DBX2: variants seen among roughly 807,000 people sequenced by gnomAD.
The protein encoded by DBX2 is developing brain homeobox 2.
Under a neutral mutation model 17.7 loss-of-function variants are expected in DBX2, and 16 were observed. The ratio of observed to expected loss-of-function variants is 0.90; its 90% CI spans 0.61 to 1.37. DBX2 has a LOEUF of 1.37. Ranked by LOEUF, DBX2 falls within the 40% of genes most tolerant of loss-of-function variation. The pLI is 0.00. For missense variants in DBX2, 538 were observed against 433.8 expected (o/e 1.24, Z -2.13); for synonymous variants, 255 against 183.8 (o/e 1.39, Z -3.13).
At position 45,051,079 on chromosome 12, in the gene DBX2, C is replaced by G. The variant is rs1946531905; in HGVS notation, c.-152G>C. Reference sequence around the variant, plus strand: ...GGCAGGGAGGAAAGGCCACCCGGGACGGCGGCGGACTTGGAACGATATTAT... The same window carrying G: ...GGCAGGGAGGAAAGGCCACCCGGGAGGGCGGCGGACTTGGAACGATATTAT... On this transcript the variant is annotated 5_prime_UTR_variant, in exon 1 of 4. Coordinates refer to ENST00000332700, the MANE Select transcript of DBX2 (RefSeq NM_001004329.3). 1 of 847,166 alleles carries G rather than the reference C, an allele frequency of 1.2e-6. No individual in the cohort carries two copies. Among genetic ancestry groups the G allele is most frequent in the Admixed American group, 4.4e-5 (1 of 22,746 alleles). 52.5% of individuals were successfully genotyped at this position (847,166 alleles called of 1,614,324 possible). A position where few individuals can be genotyped will look rare whatever the true frequency, so the allele number is the denominator to read the frequency against.
intron 1 of DBX2, among the ~76,000 whole-genome samples, chr12:45,041,636 A>G (rs1946471800): frequency 6.6e-6 from 1 of 152,150 alleles, no homozygotes; most frequent in Middle Eastern, 3.2e-3. Flanking sequence ...TTAAAGACAG[A>G]AAAACAAAGG....
chr12:45,040,851 T>C (rs1946467404), intron 1 of DBX2, among the ~76,000 whole-genome samples: 1 of 152,132 alleles, frequency 6.6e-6, no homozygotes, highest in Non-Finnish European at 1.5e-5. Context: ...GGAATCTAAA[T>C]GGTGTGAAAC....
At chr12:45,043,728 T>A (rs1946484180) in intron 1 of DBX2, among the ~76,000 whole-genome samples, 2 of 152,296 alleles carry the variant, frequency 1.3e-5, no homozygotes, top group South Asian at 4.1e-4. Flanking sequence ...GAGAAAATAA[T>A]AAATTGTTCT....
At chr12:45,037,890 G>A (rs1339754633) in intron 1 of DBX2, among the ~76,000 whole-genome samples, 2 of 151,952 alleles carry the variant, frequency 1.3e-5, no homozygotes, top group African/African-American at 4.8e-5. Context: ...GGTTTTTAAA[G>A]AATCAAGTGT....
At position 45,016,455 on chromosome 12, in the gene DBX2, T is replaced by C; in HGVS notation, c.851A>G (p.Gln284Arg). 6.2e-7 allele frequency: 1 copy of C among 1,613,980 alleles called. No individual in the cohort carries two copies. The highest frequency in any genetic ancestry group is 8.5e-7 in the Non-Finnish European group (1 of 1,179,940). The change falls in exon 4 of 4, where the codon CAA becomes CGA. Residue 284 changes from glutamine to arginine, a missense_variant. Physicochemically the swap from Gln to Arg is conservative, Grantham distance 43 (BLOSUM62 1). Coordinates refer to ENST00000332700, the MANE Select transcript of DBX2 (RefSeq NM_001004329.3). ...CCTCCATCTTGGACTTGAGTGCTGT[T>C]GGGGGACGTCCCATATTGAAGGACA... ...SPCPSIWDVP[Q>R]QHSSPRWREN...
intron 1 of DBX2, among the ~76,000 whole-genome samples, chr12:45,043,126 CT>C (rs1946480700): frequency 6.6e-6 from 1 of 152,148 alleles, no homozygotes; most frequent in Non-Finnish European, 1.5e-5. Flanking sequence ...GAAGACAGAC[CT>C]AGCAGGAAGT....
chr12:45,031,274 C>T (rs1479046351), intron 2 of DBX2, among the ~76,000 whole-genome samples: 1 of 140,470 alleles, frequency 7.1e-6, no homozygotes, highest in East Asian at 2.2e-4. Flanking sequence ...TTTTGCAGAT[C>T]TTAAGTTTGG....
chr12:45,026,020 T>C (rs1946379445), intron 2 of DBX2, among the ~76,000 whole-genome samples: 2 of 151,998 alleles, frequency 1.3e-5, no homozygotes, highest in African/African-American at 4.8e-5. Context: ...AAATGGGCTT[T>C]TTTTGGTCTT....
At chr12:45,036,223 T>A in intron 1 of DBX2, 109 bp from the exon 2 acceptor site, 1 of 966,602 alleles carries the variant, frequency 1.0e-6, no homozygotes, top group East Asian at 2.9e-5. Flanking sequence ...TTTTTTAATT[T>A]GTATTGAAAT....
chr12:45,015,571 T>C lies in DBX2; in HGVS notation c.*715A>G, dbSNP rs1440611578. 1 of 152,164 alleles carries C rather than the reference T, an allele frequency of 6.6e-6. No homozygotes were observed. The highest frequency in any genetic ancestry group is 2.4e-5 in the African/African-American group (1 of 41,434). The allele number at this position is 152,164 out of a possible 1,614,324, so 9.4% of individuals were successfully genotyped here. ...CAGAGAAGAGATCAAAAAATAATTA[T>C]TAGTTAAATGGGTCTCTCCCTCATG... On this transcript the variant is annotated 3_prime_UTR_variant, in exon 4 of 4. Coordinates refer to ENST00000332700, the MANE Select transcript of DBX2 (RefSeq NM_001004329.3).
In DBX2 at chr12:45,039,283, A is replaced by G. The variant is rs1283280000; in HGVS notation, c.404-3169T>C. ...ACAATGCACTGCATTGAAGGTATAT[A>G]TATATATATATATATATATATATAT... On this transcript the variant is annotated intron_variant, in intron 1 of 3. Transcript: ENST00000332700. Among the ~76,000 whole-genome samples the G allele has an allele frequency of 3.8e-4, 10 of 26,520 alleles. No homozygotes were observed. The East Asian group carries it at 6.9e-3, about 18-fold the overall frequency. 17.4% of individuals were successfully genotyped at this position (26,520 alleles called of 152,430 possible).
Position 45,015,437 on chromosome 12 carries a change from T to G in DBX2, c.*849A>C, listed in dbSNP as rs184297727. 7.2e-5 allele frequency: 11 copies of G among 152,304 alleles called. No individual in the cohort carries two copies. The East Asian group carries it at 2.1e-3, about 29-fold the overall frequency. 9.4% of individuals were successfully genotyped at this position (152,304 alleles called of 1,614,324 possible). On this transcript the variant is annotated 3_prime_UTR_variant, in exon 4 of 4. Transcript: ENST00000332700. ...ACATTTTGTTTGGCCAATACAGTAT[T>G]TGAAAAATTACTTGACTCAAATATC...
At chr12:45,033,448 C>A (rs528894412) in intron 2 of DBX2, among the ~76,000 whole-genome samples, 4 of 152,036 alleles carry the variant, frequency 2.6e-5, no homozygotes, top group Admixed American at 1.3e-4. Context: ...AAAAATCATT[C>A]TTATTATTAG....
rs772445960 is a variant in DBX2 at position 45,050,702 on chromosome 12, G to A, written c.226C>T (p.Leu76=). 3 of 1,524,446 alleles carry A rather than the reference G, an allele frequency of 2.0e-6. No homozygotes were observed. The South Asian group carries it at 3.7e-5, about 19-fold the overall frequency. 94.4% of individuals were successfully genotyped at this position (1,524,446 alleles called of 1,614,324 possible). The part of the protein sequence containing the change: ...LATAGAQLRP[L]PASPVPLKLC... ...TTTAGGGGAACTGGGCTAGCAGGCA[G>A]GGGCCGGAGCTGCGCGCCCGCGGTG... The change falls in exon 1 of 4, where the codon CTG becomes TTG. Residue 76 remains leucine, a synonymous_variant. Coordinates refer to ENST00000332700, the MANE Select transcript of DBX2 (RefSeq NM_001004329.3).
At chr12:45,031,792 C>T (rs12830481) in intron 2 of DBX2, among the ~76,000 whole-genome samples, 12,364 of 152,138 alleles carry the variant, frequency 0.081, 591 homozygotes, top group Admixed American at 0.13. Context: ...ATCCAACAAC[C>T]GTGTATCATT....
intron 2 of DBX2, among the ~76,000 whole-genome samples, chr12:45,030,813 AT>A (rs1471834021): frequency 1.3e-5 from 2 of 152,212 alleles, no homozygotes; most frequent in African/African-American, 4.8e-5. Context: ...TTAGTAAAAA[AT>A]ATCATTATTT....
intron 1 of DBX2, among the ~76,000 whole-genome samples, chr12:45,047,715 T>C (rs1399058789): frequency 6.6e-6 from 1 of 152,182 alleles, no homozygotes; most frequent in Admixed American, 6.5e-5. Context: ...ATGTAATTGG[T>C]GATCCAATTG....
chr12:45,046,618 T>C (rs1592760556), intron 1 of DBX2, among the ~76,000 whole-genome samples: 1 of 152,142 alleles, frequency 6.6e-6, no homozygotes, highest in African/African-American at 2.4e-5. Flanking sequence ...GTGCCTAAAA[T>C]GTAAAAGAGG....
At chr12:45,027,385 A>C (rs1335543860) in intron 2 of DBX2, among the ~76,000 whole-genome samples, 2 of 152,240 alleles carry the variant, frequency 1.3e-5, no homozygotes, top group Non-Finnish European at 2.9e-5. Flanking sequence ...AGACCTTCTG[A>C]ATTCAAATTA....
Sources: allele counts gnomAD v4.1 joint callset (sites outside exome capture counted in the v4.1 genomes callset), GRCh38; gene constraint gnomAD v4.1.1; transcripts MANE v1.5; gene names NCBI Gene and HGNC (gene_info 2026-07-23, HGNC 2026-07-21).